Variants in GSR observed in about 807,000 individuals in gnomAD.
GSR encodes glutathione-disulfide reductase.
Under a neutral mutation model 56.5 loss-of-function variants are expected in GSR, and 48 were observed. The observed-to-expected ratio is 0.85, with a 90% CI of 0.67 to 1.08. The LOEUF (loss-of-function observed/expected upper bound fraction) is 1.08, where lower values mean the gene tolerates loss of function less well. Ranked by LOEUF, GSR falls within the 50% of genes least tolerant of loss-of-function variation. GSR has a pLI of 0.00. For missense variants in GSR, 694 were observed against 703.3 expected, an observed-to-expected ratio of 0.99 and a Z score of 0.15; for synonymous variants, 264 against 270.8, an observed-to-expected ratio of 0.97 and a Z score of 0.25.
chr8:30,723,557 G>C (rs551344028), intron 1 of GSR, among the ~76,000 whole-genome samples: 1 of 152,128 alleles, frequency 6.6e-6, no homozygotes, highest in South Asian at 2.1e-4. Context: ...TTGGGAGGCT[G>C]AGGCGGGTGG....
At chr8:30,702,923 A>G (rs1803791135) in intron 5 of GSR, among the ~76,000 whole-genome samples, 170 bp downstream of exon 5, 1 of 152,182 alleles carries the variant, frequency 6.6e-6, no homozygotes, top group African/African-American at 2.4e-5. Context: ...GGGCGACTGC[A>G]TCACTAGCTA....
rs199656769 is a variant in GSR at position 30,681,006 on chromosome 8, A to G, written c.1317T>C (p.Asn439=). ...TAAAGCTCGTTGAATAGGTCTTCAC[A>G]TTTTCTATTCCATATTTATGAATGG... is the stretch of plus-strand genomic sequence containing the variant. The part of the protein sequence containing the change: ...DEAIHKYGIE[N]VKTYSTSFTP... Residue 439 remains asparagine (N), a synonymous_variant, in exon 12 of 13, where the codon AAT becomes AAC. Transcript: ENST00000221130. 1.4e-4 allele frequency: 224 copies of G among 1,610,702 alleles called. No individual in the cohort carries two copies. The African/African-American group carries it at 2.8e-3, about 20-fold the overall frequency.
In GSR at chr8:30,727,586, C is replaced by T. The variant is rs759875729; in HGVS notation, c.250G>A (p.Ala84Thr). The T allele has an allele frequency of 1.2e-4, 186 of 1,530,490 alleles. 1 individual carries two copies. The South Asian group carries it at 2.1e-3, about 17-fold the overall frequency. 94.8% of individuals were successfully genotyped at this position (1,530,490 alleles called of 1,614,324 possible). A position where few individuals can be genotyped will look rare whatever the true frequency, so the allele number is the denominator to read the frequency against. The change falls in exon 1 of 13, where the codon GCC (alanine) becomes ACC (threonine). Residue 84 changes from alanine (A) to threonine (T), a missense_variant. By Grantham distance (58) the Ala-to-Thr change is moderately conservative. Coordinates refer to ENST00000221130, the MANE Select transcript of GSR (RefSeq NM_000637.5). ...SGGLASARRA[A>T]ELGARAAVVE... Reference sequence around the variant, plus strand: ...ACGGCGGCCCTGGCACCCAGCTCGGCCGCCCTGCGCGCGCTGGCCAGCCCG... The same window carrying T: ...ACGGCGGCCCTGGCACCCAGCTCGGTCGCCCTGCGCGCGCTGGCCAGCCCG...
intron 11 of GSR, among the ~76,000 whole-genome samples, chr8:30,681,270 C>T (rs1802946922): frequency 6.6e-6 from 1 of 152,212 alleles, no homozygotes; most frequent in African/African-American, 2.4e-5. Flanking sequence ...TGGCTCATGC[C>T]TGTAATCCCT....
intron 1 of GSR, among the ~76,000 whole-genome samples, chr8:30,715,183 T>C (rs910588004): frequency 3.3e-5 from 5 of 152,086 alleles, no homozygotes; most frequent in Non-Finnish European, 5.9e-5. Context: ...GTTCCAGCTA[T>C]TCAGGAGGCT....
intron 9 of GSR, among the ~76,000 whole-genome samples, chr8:30,688,821 G>A (rs955955789): frequency 6.6e-6 from 1 of 151,816 alleles, no homozygotes; most frequent in Non-Finnish European, 1.5e-5. Context: ...TACTCCAGAA[G>A]CTGAGGTGGG....
intron 1 of GSR, among the ~76,000 whole-genome samples, chr8:30,714,273 G>A (rs1804253088): frequency 8.2e-6 from 1 of 122,250 alleles, no homozygotes; most frequent in Non-Finnish European, 1.6e-5. Flanking sequence ...GTGCCATGGT[G>A]CAATCTCAGC....
At chr8:30,711,821 G>A (rs1351709878) in intron 2 of GSR, among the ~76,000 whole-genome samples, 1 of 151,596 alleles carries the variant, frequency 6.6e-6, no homozygotes, top group African/African-American at 2.4e-5. Flanking sequence ...TGACAAGAAC[G>A]AAACTCCGTC....
chr8:30,679,322 T>C lies in GSR; in HGVS notation c.*198A>G, dbSNP rs537510398. 3.9e-4 allele frequency: 238 copies of C among 608,688 alleles called. 6 individuals are homozygous for C. In the South Asian group the frequency reaches 4.5e-3, roughly 12 times the overall value. 37.7% of individuals were successfully genotyped at this position (608,688 alleles called of 1,614,324 possible). ...TTAATTACTGTGAGATGTGATCAAA[T>C]GAAAATCAATCCTGGATAACACTAC... On this transcript the variant is annotated 3_prime_UTR_variant, in exon 13 of 13. Coordinates refer to ENST00000221130, the MANE Select transcript of GSR (RefSeq NM_000637.5).
At chr8:30,715,613 A>G (rs895800367) in intron 1 of GSR, among the ~76,000 whole-genome samples, 3 of 152,200 alleles carry the variant, frequency 2.0e-5, no homozygotes, top group African/African-American at 7.2e-5. Context: ...TATACCCTGC[A>G]GTTCACCATT....
At chr8:30,724,758 A>T (rs1016964571) in intron 1 of GSR, among the ~76,000 whole-genome samples, 2 of 151,686 alleles carry the variant, frequency 1.3e-5, no homozygotes, top group African/African-American at 4.8e-5. Flanking sequence ...CTGGTCTCGA[A>T]CTCCTGACCT....
rs373576676 is a variant in GSR at position 30,708,148 on chromosome 8, T to C, written c.423-7A>G. 14 of 1,603,584 alleles carry C rather than the reference T, an allele frequency of 8.7e-6. No individual in the cohort carries two copies. The African/African-American group carries it at 1.1e-4, about 12-fold the overall frequency. On this transcript the variant is annotated splice_polypyrimidine_tract_variant and splice_region_variant and intron_variant, in intron 3 of 12. Transcript: ENST00000221130. ...CCGCTTTTCCTTAATAACACTGCAA[T>C]GAAACCCAAGTCAGTATTCAGAAAC...
At chr8:30,709,669 T>C in intron 3 of GSR, 145 bp downstream of exon 3, 1 of 695,496 alleles carries the variant, frequency 1.4e-6, no homozygotes, top group East Asian at 2.7e-5. Flanking sequence ...CACTCAATTG[T>C]ATACTTAAAA....
intron 10 of GSR, 65 bp downstream of exon 10, chr8:30,684,023 G>A (rs1803045140): frequency 2.3e-6 from 2 of 855,282 alleles, no homozygotes; most frequent in Admixed American, 3.4e-5. Flanking sequence ...AGATTTGACA[G>A]TGAAGAGCCA....
At chr8:30,691,551 C>CAG (rs1554570872) in intron 8 of GSR, among the ~76,000 whole-genome samples, 1 of 149,060 alleles carries the variant, frequency 6.7e-6, no homozygotes, top group Non-Finnish European at 1.5e-5. Context: ...CATGGTGGTG[C>CAG]GTGACTGTAA....
At chr8:30,696,571 T>C (rs1245972402) in intron 6 of GSR, 92 bp from the exon 7 acceptor site, 7 of 839,978 alleles carry the variant, frequency 8.3e-6, no homozygotes, top group East Asian at 7.4e-5. Context: ...AGTACAGAGA[T>C]TTCCCTTATT....
chr8:30,709,744 G>T, intron 3 of GSR, 70 bp downstream of exon 3: 1 of 870,092 alleles, frequency 1.1e-6, no homozygotes, highest in Non-Finnish European at 2.0e-6. Flanking sequence ...CCCTAAAAAA[G>T]TTTATGGCTC....
At position 30,703,168 on chromosome 8, in the gene GSR, T is replaced by A; in HGVS notation, c.565A>T (p.Lys189Ter). 6.2e-7 allele frequency: 1 copy of A among 1,614,074 alleles called. No individual in the cohort carries two copies. Among genetic ancestry groups the A allele is most frequent in the Non-Finnish European group, 8.5e-7 (1 of 1,179,970 alleles). The change falls in exon 5 of 13, where the codon AAA (lysine) becomes TAA (stop). Residue 189 changes from lysine to a stop codon, truncating the protein, a stop_gained. Coordinates refer to ENST00000221130, the MANE Select transcript of GSR (RefSeq NM_000637.5). LOFTEE classifies it high-confidence loss of function. ...DPKPTIEVSG[K>*]KYTAPHILIA... ...AGGATGTGTGGGGCGGTGTACTTTT[T>A]CCCACTGACCTCTATTGTGGGCTTG...
At chr8:30,725,219 G>C (rs1248491914) in intron 1 of GSR, among the ~76,000 whole-genome samples, 1 of 151,992 alleles carries the variant, frequency 6.6e-6, no homozygotes, top group Non-Finnish European at 1.5e-5. Flanking sequence ...AAGGCAGGCC[G>C]ACTGCTTAAG....
Sources: allele counts gnomAD v4.1 joint callset (sites outside exome capture counted in the v4.1 genomes callset), GRCh38; gene constraint gnomAD v4.1.1; transcripts MANE v1.5; gene names NCBI Gene and HGNC (gene_info 2026-07-23, HGNC 2026-07-21).